The following ARID5B variants were observed in gnomAD, a reference collection of about 807,000 sequenced individuals.
ARID5B encodes the protein AT-rich interactive domain-containing protein 5B.
Under a neutral mutation model 97.2 loss-of-function variants are expected in ARID5B, and 13 were observed. The ratio of observed to expected loss-of-function variants is 0.13; its 90% CI spans 0.09 to 0.21. ARID5B has a LOEUF of 0.21. Ranked by LOEUF, ARID5B falls within the 10% of genes least tolerant of loss-of-function variation. ARID5B has a pLI of 1.00. For missense variants in ARID5B, 1,210 were observed against 1,465.3 expected (o/e 0.83, Z 2.84); for synonymous variants, 556 against 570.3 (o/e 0.97, Z 0.36).
At chr10:61,945,325 C>A (rs1844482343) in intron 3 of ARID5B, among the ~76,000 whole-genome samples, 1 of 151,730 alleles carries the variant, frequency 6.6e-6, no homozygotes, top group African/African-American at 2.4e-5. Flanking sequence ...GCAATGAATT[C>A]TTAATTCTCA....
At chr10:62,033,566 G>A (rs544783682) in intron 4 of ARID5B, among the ~76,000 whole-genome samples, 2 of 152,312 alleles carry the variant, frequency 1.3e-5, no homozygotes, top group African/African-American at 4.8e-5. Context: ...TCTACAAGGT[G>A]CTTACCTCTG....
At position 62,085,695 on chromosome 10, in the gene ARID5B, CT is replaced by C. The variant is rs1840270900; in HGVS notation, c.1200-3del. On this transcript the variant is annotated splice_polypyrimidine_tract_variant and splice_region_variant and intron_variant, in intron 8 of 9. Transcript: ENST00000279873. Reference sequence around the variant, plus strand: ...CTGACCGATCATCTCTTCTGTTAACCTTTTAGATTAATCCTACCATATGAAA... The same window carrying C: ...CTGACCGATCATCTCTTCTGTTAACCTTTAGATTAATCCTACCATATGAAA... 3.1e-6 allele frequency: 5 copies of C among 1,599,278 alleles called. No homozygotes were observed. In the East Asian group the frequency reaches 1.1e-4, roughly 36 times the overall value.
chr10:62,029,258 G>T (rs369700668), intron 4 of ARID5B, among the ~76,000 whole-genome samples: 6 of 152,120 alleles, frequency 3.9e-5, no homozygotes, highest in African/African-American at 1.4e-4. Flanking sequence ...CTCCAGTTCC[G>T]GGTATGCCAT....
chr10:62,013,400 T>A (rs538654087), intron 4 of ARID5B, among the ~76,000 whole-genome samples: 1 of 152,334 alleles, frequency 6.6e-6, no homozygotes, highest in African/African-American at 2.4e-5. Context: ...GCTAAATTGA[T>A]GTAATTAGCA....
intron 3 of ARID5B, among the ~76,000 whole-genome samples, chr10:61,951,560 C>T (rs1270592382): frequency 6.6e-6 from 1 of 152,190 alleles, no homozygotes; most frequent in Non-Finnish European, 1.5e-5. Flanking sequence ...AGTGAACTTC[C>T]AGGCTCCATT....
chr10:62,020,268 A>G (rs1311848165), intron 4 of ARID5B, among the ~76,000 whole-genome samples: 1 of 152,242 alleles, frequency 6.6e-6, no homozygotes, highest in Non-Finnish European at 1.5e-5. Context: ...ATGAAAACAC[A>G]TTAATGACTC....
chr10:62,089,081 C>T (rs993541163), intron 9 of ARID5B, among the ~76,000 whole-genome samples: 4 of 152,158 alleles, frequency 2.6e-5, no homozygotes, highest in African/African-American at 9.7e-5. Context: ...CATTGCCCTG[C>T]GTCAAACTAT....
At chr10:62,049,011 C>T (rs1047308629) in intron 4 of ARID5B, among the ~76,000 whole-genome samples, 6 of 152,196 alleles carry the variant, frequency 3.9e-5, no homozygotes, top group Non-Finnish European at 1.5e-5. Flanking sequence ...AGTCTTAGCA[C>T]TTGGGTCAGT....
intron 2 of ARID5B, among the ~76,000 whole-genome samples, chr10:61,910,671 A>C (rs1411545717): frequency 5.3e-5 from 8 of 152,202 alleles, no homozygotes; most frequent in Admixed American, 5.2e-4. Flanking sequence ...CATTTCAAAC[A>C]TGCAGATGAT....
At chr10:61,906,091 T>C (rs149196496) in intron 2 of ARID5B, among the ~76,000 whole-genome samples, 84 of 152,290 alleles carry the variant, frequency 5.5e-4, no homozygotes, top group African/African-American at 2.0e-3. Context: ...GGGATGACTA[T>C]AGATTGTTGG....
At chr10:62,041,485 C>T (rs745809679) in intron 4 of ARID5B, among the ~76,000 whole-genome samples, 42 of 152,184 alleles carry the variant, frequency 2.8e-4, no homozygotes, top group Non-Finnish European at 4.0e-4. Flanking sequence ...TATAAAAGCA[C>T]AAAGTGAGTG....
At chr10:62,086,585 C>T (rs112107092) in intron 9 of ARID5B, among the ~76,000 whole-genome samples, 18,083 of 149,956 alleles carry the variant, frequency 0.12, 1,227 homozygotes, top group African/African-American at 0.17. Flanking sequence ...CCTGTAGTCC[C>T]GGCTACTTGG....
At chr10:61,905,115 G>A (rs539689887) in intron 2 of ARID5B, among the ~76,000 whole-genome samples, 2 of 152,302 alleles carry the variant, frequency 1.3e-5, no homozygotes, top group South Asian at 4.2e-4. Flanking sequence ...TTTGAATGAT[G>A]CATTTGCCAT....
chr10:62,077,680 T>G (rs753196323), intron 8 of ARID5B, among the ~76,000 whole-genome samples: 3 of 152,240 alleles, frequency 2.0e-5, no homozygotes, highest in Non-Finnish European at 4.4e-5. Context: ...TTGATAGTTT[T>G]CATCAAGCAT....
intron 3 of ARID5B, among the ~76,000 whole-genome samples, chr10:61,977,034 G>T (rs545595583): frequency 6.6e-6 from 1 of 151,838 alleles, no homozygotes; most frequent in Admixed American, 6.6e-5. Context: ...AACAGGCCCC[G>T]GTGTGTCATG....
intron 7 of ARID5B, among the ~76,000 whole-genome samples, chr10:62,069,214 A>G (rs2132952800): frequency 6.6e-6 from 1 of 152,350 alleles, no homozygotes; most frequent in South Asian, 2.1e-4. Flanking sequence ...CATCTCATGG[A>G]TGGAAAATCA....
chr10:61,958,048 G>A (rs1190945736), intron 3 of ARID5B, among the ~76,000 whole-genome samples: 5 of 152,084 alleles, frequency 3.3e-5, no homozygotes, highest in Non-Finnish European at 7.4e-5. Context: ...AGGGTTTCTG[G>A]TTTTCATGCA....
chr10:62,014,540 A>G (rs1358412832), intron 4 of ARID5B, among the ~76,000 whole-genome samples: 2 of 152,168 alleles, frequency 1.3e-5, no homozygotes, highest in Admixed American at 6.5e-5. Context: ...TCTGTATGCT[A>G]TTAACTACCA....
intron 3 of ARID5B, among the ~76,000 whole-genome samples, chr10:61,961,756 T>C (rs1838474032): frequency 6.6e-6 from 1 of 152,098 alleles, no homozygotes; most frequent in African/African-American, 2.4e-5. Context: ...CTTTCTTTCT[T>C]TTTTTTCTGA....
Sources: gnomAD v4.1 joint callset for allele counts (sites outside exome capture counted in the v4.1 genomes callset) on GRCh38, gnomAD v4.1.1 for gene constraint, MANE v1.5 for transcripts, NCBI Gene and HGNC (gene_info 2026-07-23, HGNC 2026-07-21) for gene names.